AGBL4: variants seen among roughly 807,000 people sequenced by gnomAD.
The protein encoded by AGBL4 is cytosolic carboxypeptidase 6.
Under a neutral mutation model 66.4 loss-of-function variants are expected in AGBL4, and 58 were observed. The observed-to-expected ratio is 0.87, with a 90% CI of 0.71 to 1.09. The LOEUF is 1.09. Ranked by LOEUF, AGBL4 falls within the 50% of genes least tolerant of loss-of-function variation. AGBL4 has a pLI of 0.00. For missense variants in AGBL4, 579 were observed against 631.0 expected (o/e 0.92, Z 0.88); for synonymous variants, 234 against 222.9 (o/e 1.05, Z -0.44).
intron 8 of AGBL4, among the ~76,000 whole-genome samples, chr1:48,639,254 C>A (rs1382768362): frequency 6.6e-6 from 1 of 152,198 alleles, no homozygotes; most frequent in Non-Finnish European, 1.5e-5. Context: ...GCATGGGCAC[C>A]TTTTGAGCTG....
At chr1:49,886,882 G>A (rs1353491774) in intron 1 of AGBL4, among the ~76,000 whole-genome samples, 1 of 151,976 alleles carries the variant, frequency 6.6e-6, no homozygotes, top group Non-Finnish European at 1.5e-5. Flanking sequence ...ACAACATCTG[G>A]CTGGTTTTCC....
At chr1:48,986,805 T>C (rs1246393072) in intron 5 of AGBL4, among the ~76,000 whole-genome samples, 1 of 152,086 alleles carries the variant, frequency 6.6e-6, no homozygotes, top group African/African-American at 2.4e-5. Flanking sequence ...CAAAAGATTT[T>C]ACTATTCAAA....
chr1:49,605,692 T>C (rs557112967), intron 3 of AGBL4, among the ~76,000 whole-genome samples: 14 of 152,286 alleles, frequency 9.2e-5, no homozygotes, highest in African/African-American at 1.9e-4. Flanking sequence ...TGGATTTTTT[T>C]ATTTTTTAAA....
At chr1:48,547,329 C>T (rs1242273560) in intron 11 of AGBL4, among the ~76,000 whole-genome samples, 1 of 152,026 alleles carries the variant, frequency 6.6e-6, no homozygotes, top group Non-Finnish European at 1.5e-5. Context: ...CCCAGCTGTA[C>T]AGAGGCAGTA....
intron 3 of AGBL4, among the ~76,000 whole-genome samples, chr1:49,453,406 A>T (rs1557954764): frequency 6.6e-6 from 1 of 151,816 alleles, no homozygotes; most frequent in Non-Finnish European, 1.5e-5. Flanking sequence ...TTATGGTATG[A>T]TATGGCACCT....
chr1:49,009,457 G>C (rs1365898098), intron 5 of AGBL4, among the ~76,000 whole-genome samples: 2 of 149,804 alleles, frequency 1.3e-5, no homozygotes, highest in African/African-American at 4.9e-5. Context: ...GTACAAGGAG[G>C]AACTGGTACC....
At chr1:49,692,551 T>C (rs1646909519) in intron 3 of AGBL4, among the ~76,000 whole-genome samples, 1 of 152,070 alleles carries the variant, frequency 6.6e-6, no homozygotes, top group Non-Finnish European at 1.5e-5. Flanking sequence ...ACCCCGACTC[T>C]ACTAAAAATA....
At chr1:49,937,198 T>A (rs1654162426) in intron 1 of AGBL4, among the ~76,000 whole-genome samples, 2 of 152,038 alleles carry the variant, frequency 1.3e-5, no homozygotes, top group South Asian at 4.2e-4. Flanking sequence ...TCCTAGTCTC[T>A]GATAAAACAG....
chr1:48,574,728 A>G (rs1644623388), intron 11 of AGBL4, among the ~76,000 whole-genome samples: 1 of 151,928 alleles, frequency 6.6e-6, no homozygotes, highest in Admixed American at 6.6e-5. Context: ...CAAGCCAAGC[A>G]CGGCCACAAC....
intron 3 of AGBL4, among the ~76,000 whole-genome samples, chr1:49,383,461 G>T (rs575106929): frequency 6.6e-6 from 1 of 152,198 alleles, no homozygotes; most frequent in Non-Finnish European, 1.5e-5. Context: ...TTAGAAAAAT[G>T]GGACAGGATA....
chr1:49,011,509 A>G (rs1017832373), intron 5 of AGBL4, among the ~76,000 whole-genome samples: 3 of 152,200 alleles, frequency 2.0e-5, no homozygotes, highest in Non-Finnish European at 2.9e-5. Context: ...AATACCATTT[A>G]ACCCTGCCAT....
intron 2 of AGBL4, among the ~76,000 whole-genome samples, chr1:49,779,768 T>C (rs938541225): frequency 1.6e-4 from 25 of 152,110 alleles, no homozygotes; most frequent in Non-Finnish European, 2.4e-4. Context: ...TTGCCTGTAG[T>C]TGGGCCATAA....
intron 3 of AGBL4, among the ~76,000 whole-genome samples, chr1:49,609,336 C>G (rs1183511356): frequency 6.6e-6 from 1 of 151,598 alleles, no homozygotes; most frequent in Non-Finnish European, 1.5e-5. Flanking sequence ...AAATCACCAA[C>G]AAATAATTAA....
intron 11 of AGBL4, among the ~76,000 whole-genome samples, chr1:48,569,498 C>A (rs1186091220): frequency 2.6e-5 from 4 of 152,174 alleles, no homozygotes; most frequent in African/African-American, 9.7e-5. Context: ...TCCAGGAGCC[C>A]AGAACCTAAT....
chr1:49,700,330 G>A (rs1031329516), intron 2 of AGBL4, among the ~76,000 whole-genome samples: 1 of 150,746 alleles, frequency 6.6e-6, no homozygotes, highest in Non-Finnish European at 1.5e-5. Flanking sequence ...TAGATAGATA[G>A]ATAGATAGAT....
At chr1:49,681,106 T>C (rs892357621) in intron 3 of AGBL4, among the ~76,000 whole-genome samples, 3 of 152,156 alleles carry the variant, frequency 2.0e-5, no homozygotes, top group African/African-American at 7.2e-5. Flanking sequence ...AACTGTGTTT[T>C]GCATTTGTTT....
chr1:48,866,243 G>A (rs1484407798), intron 6 of AGBL4, among the ~76,000 whole-genome samples: 1 of 152,132 alleles, frequency 6.6e-6, no homozygotes, highest in Non-Finnish European at 1.5e-5. Flanking sequence ...GCTTTGTGGA[G>A]GGAAGGGCTG....
chr1:49,003,974 A>G (rs1661587698), intron 5 of AGBL4, among the ~76,000 whole-genome samples: 2 of 152,150 alleles, frequency 1.3e-5, no homozygotes, highest in Non-Finnish European at 2.9e-5. Context: ...TTTCTTACCA[A>G]ATTTGATCAA....
intron 5 of AGBL4, among the ~76,000 whole-genome samples, chr1:48,974,130 TATGAC>T: frequency 6.6e-6 from 1 of 152,008 alleles, no homozygotes; most frequent in East Asian, 1.9e-4. Flanking sequence ...TACTCAAGGG[TATGAC>T]CTTGAGTGAA....
Sources: allele counts gnomAD v4.1 joint callset (sites outside exome capture counted in the v4.1 genomes callset), GRCh38; gene constraint gnomAD v4.1.1; transcripts MANE v1.5; gene names NCBI Gene and HGNC (gene_info 2026-07-23, HGNC 2026-07-21).